Variants in TP53TG5 observed in about 807,000 individuals in gnomAD.
TP53TG5 encodes the protein TP53-target gene 5 protein.
In TP53TG5, 17 loss-of-function variants were observed where a neutral mutation model predicts 30.0. The ratio of observed to expected loss-of-function variants is 0.57; its 90% CI spans 0.39 to 0.85. The LOEUF (loss-of-function observed/expected upper bound fraction) is 0.85. Among genes scored for constraint, TP53TG5 ranks in the 40% least tolerant of loss-of-function variants. TP53TG5 has a pLI of 0.00. For synonymous variants in TP53TG5, 137 were observed against 139.2 expected (o/e 0.98, Z 0.11); for missense variants, 338 against 367.9 (o/e 0.92, Z 0.67).
intron 4 of TP53TG5, chr20:45,374,326 G>A (rs1040541383): frequency 7.3e-6 from 5 of 687,106 alleles, no homozygotes; most frequent in African/African-American, 7.2e-5. Context: ...AGGCTGGAGT[G>A]CAGTGGCGAA....
In TP53TG5 at chr20:45,375,452, C is replaced by A. The variant is rs774818638; in HGVS notation, c.355G>T (p.Gly119Trp). 4 of 1,614,138 alleles carry A rather than the reference C, an allele frequency of 2.5e-6. No homozygotes were observed. Among genetic ancestry groups the A allele is most frequent in the Non-Finnish European group, 3.4e-6 (4 of 1,180,024 alleles). ...TTGTACTCTTTTTTCTTAGGGTCCC[C>A]TGTGGACTCTAATTTCTTGGACTTG... Reference protein sequence around the residue: ...ELKSKKLESTGDPKKKEYKEW... With the variant: ...ELKSKKLESTWDPKKKEYKEW... The change falls in exon 4 of 5, where the codon GGG becomes TGG. Residue 119 changes from glycine to tryptophan, a missense_variant. By Grantham distance (184) the Gly-to-Trp change is radical. Transcript: ENST00000372726.
At position 45,375,489 on chromosome 20, in the gene TP53TG5, G is replaced by T. The variant is rs147626011; in HGVS notation, c.318C>A (p.Ser106=). ...ATTTCTTGGACTTGAGTTCCTTCTC[G>T]GAGCACCCGATCTCCTGGAACTCTT... ...NNEEFQEIGC[S]EKELKSKKLE... is the part of the protein sequence containing the mutation. Residue 106 remains serine (S), a synonymous_variant, in exon 4 of 5, where the codon TCC becomes TCA. Coordinates refer to ENST00000372726, the MANE Select transcript of TP53TG5 (RefSeq NM_014477.3). 6.2e-7 allele frequency: 1 copy of T among 1,611,432 alleles called. No homozygotes were observed. The highest frequency in any genetic ancestry group is 8.5e-7 in the Non-Finnish European group (1 of 1,179,036).
chr20:45,377,640 T>A, intron 1 of TP53TG5, 27 bp from the exon 2 acceptor site: 1 of 1,610,102 alleles, frequency 6.2e-7, no homozygotes, highest in Non-Finnish European at 8.5e-7. Context: ...AAGAGAGACA[T>A]AAACCCAGAG....
At chr20:45,376,078 T>G (rs2145368874) in intron 3 of TP53TG5, 1 of 152,548 alleles carries the variant, frequency 6.6e-6, no homozygotes, top group East Asian at 1.9e-4. Context: ...AGACTCTGTC[T>G]CCATACAAAA....
chr20:45,378,210 G>A lies in TP53TG5; in HGVS notation c.27C>T (p.Pro9=). The A allele has an allele frequency of 6.2e-7, 1 of 1,614,120 alleles. No individual in the cohort carries two copies. The highest frequency in any genetic ancestry group is 8.5e-7 in the Non-Finnish European group (1 of 1,179,986). The change falls in exon 1 of 5, where the codon CCC becomes CCT. Residue 9 remains proline (P), a synonymous_variant. Coordinates refer to ENST00000372726, the MANE Select transcript of TP53TG5 (RefSeq NM_014477.3). Reference sequence around the variant, plus strand: ...TGACCTTGGAAACCCTGCTGTTCTTGGGCCTCTTCTTTGCTGATGGACTCA... The same window carrying A: ...TGACCTTGGAAACCCTGCTGTTCTTAGGCCTCTTCTTTGCTGATGGACTCA... MSPSAKKR[P]KNSRVSKMQD...
Position 45,377,335 on chromosome 20 carries a change from T to C in TP53TG5, c.131A>G (p.Lys44Arg). ...GAGTAGCTTCAAGAGCGACAAGTTT[T>C]TTAACACCTGCCAGGGTCAAGAAAC... is the stretch of plus-strand genomic sequence containing the variant. ...IERNRLRTVL[K>R]NLSLLKLLKS... The change falls in exon 3 of 5, where the codon AAA becomes AGA. Residue 44 changes from lysine (K) to arginine (R), a missense_variant. By Grantham distance (26) the Lys-to-Arg change is conservative. Transcript: ENST00000372726. 1 of 1,614,158 alleles carries C rather than the reference T, an allele frequency of 6.2e-7. No homozygotes were observed. Among genetic ancestry groups the C allele is most frequent in the Non-Finnish European group, 8.5e-7 (1 of 1,180,046 alleles).
At position 45,375,203 on chromosome 20, in the gene TP53TG5, G is replaced by C. The variant is rs1002515434; in HGVS notation, c.604C>G (p.Leu202Val). The change falls in exon 4 of 5, where the codon CTG (leucine) becomes GTG (valine). Residue 202 changes from leucine (L) to valine (V), a missense_variant. Physicochemically the swap from Leu to Val is conservative, Grantham distance 32. Transcript: ENST00000372726. ...CAGATCCACTGGTCGGCTACATCCAGCTGCTTCATGTGCCCCATGGGAGTT... is the reference window on the plus strand; with the variant it reads ...CAGATCCACTGGTCGGCTACATCCACCTGCTTCATGTGCCCCATGGGAGTT... ...NRTPMGHMKQ[L>V]DVADQWIWFE... 7.4e-6 allele frequency: 12 copies of C among 1,614,106 alleles called. No homozygotes were observed. In the Admixed American group the frequency reaches 1.2e-4, roughly 16 times the overall value.
Position 45,377,361 on chromosome 20 carries a change from C to A in TP53TG5, c.124-19G>T. The A allele has an allele frequency of 6.2e-7, 1 of 1,613,828 alleles. No homozygotes were observed. The highest frequency in any genetic ancestry group is 1.1e-5 in the South Asian group (1 of 91,060). On this transcript the variant is annotated intron_variant, in intron 2 of 4. Coordinates refer to ENST00000372726, the MANE Select transcript of TP53TG5 (RefSeq NM_014477.3). ...TTAACACCTGCCAGGGTCAAGAAAC[C>A]AGGTAAATAGAAGCTTCAGCTTTCC...
chr20:45,374,204 T>G, intron 4 of TP53TG5, 193 bp from the exon 5 acceptor site: 1 of 674,516 alleles, frequency 1.5e-6, no homozygotes, highest in Non-Finnish European at 2.7e-6. Context: ...ACTTTCATTC[T>G]CCCACGAAAG....
intron 4 of TP53TG5, 96 bp downstream of exon 4, chr20:45,374,943 G>A: frequency 6.6e-7 from 1 of 1,504,804 alleles, no homozygotes. Context: ...CACCACTCAA[G>A]ACTCCAGATC....
At chr20:45,374,229 C>T (rs1988649391) in intron 4 of TP53TG5, 1 of 685,706 alleles carries the variant, frequency 1.5e-6, no homozygotes, top group South Asian at 1.6e-5. Context: ...GCGGTATTTT[C>T]TTCTTTTTTT....
rs545160212 is a variant in TP53TG5, at chr20:45,377,423, C to T, written c.124-81G>A. 4.7e-5 allele frequency: 76 copies of T among 1,609,618 alleles called. No individual in the cohort carries two copies. The Admixed American group carries it at 8.2e-4, about 17-fold the overall frequency. On this transcript the variant is annotated intron_variant, in intron 2 of 4. Transcript: ENST00000372726. ...CCTCTCCCCTGCCTGCCTCTGGCTCCGCTCAGCCAAGGGCCGGCCTGCTGG... is the reference window on the plus strand; with the variant it reads ...CCTCTCCCCTGCCTGCCTCTGGCTCTGCTCAGCCAAGGGCCGGCCTGCTGG...
chr20:45,377,287 T>C lies in TP53TG5; in HGVS notation c.179A>G (p.Gln60Arg). Residue 60 changes from glutamine to arginine, a missense_variant, in exon 3 of 5, where the codon CAA becomes CGA. Physicochemically the swap from Gln to Arg is conservative, Grantham distance 43. Coordinates refer to ENST00000372726, the MANE Select transcript of TP53TG5 (RefSeq NM_014477.3). ...KLLKSSNRRI[Q>R]ELHKLAKRCW... ...CCTTTTGGCCAGCTTATGCAGTTCTTGGATCCGGCGGTTTGAGCTCTTGAG... is the reference window on the plus strand; with the variant it reads ...CCTTTTGGCCAGCTTATGCAGTTCTCGGATCCGGCGGTTTGAGCTCTTGAG... 1.2e-6 allele frequency: 2 copies of C among 1,614,224 alleles called. No individual in the cohort carries two copies. Among genetic ancestry groups the C allele is most frequent in the African/African-American group, 2.7e-5 (2 of 75,054 alleles).
chr20:45,375,591 G>A (rs764618801), intron 3 of TP53TG5, 39 bp from the exon 4 acceptor site: 25 of 1,567,152 alleles, frequency 1.6e-5, no homozygotes, highest in East Asian at 2.2e-5. Flanking sequence ...CAGCAGGACC[G>A]AGGCCCTGGT....
chr20:45,375,772 G>A, intron 3 of TP53TG5: 1 of 578,502 alleles, frequency 1.7e-6, no homozygotes, highest in Non-Finnish European at 3.0e-6. Flanking sequence ...ATGACTAGTA[G>A]TTAAGGCCCC....
Position 45,377,610 on chromosome 20 carries a change from G to C in TP53TG5, c.52C>G (p.Gln18Glu). ...GTCTCGTCCCGCAGTTTCTCATCTT[G>C]CATCTGAGGGACAGAGGATAAGAGA... Reference protein sequence around the residue: ...RPKNSRVSKMQDEKLRDETEQ... With the variant: ...RPKNSRVSKMEDEKLRDETEQ... Residue 18 changes from glutamine (Q) to glutamate (E), a missense_variant, in exon 2 of 5, where the codon CAA becomes GAA. By Grantham distance (29) the Gln-to-Glu change is conservative (BLOSUM62 2). Coordinates refer to ENST00000372726, the MANE Select transcript of TP53TG5 (RefSeq NM_014477.3). 1 of 1,613,760 alleles carries C rather than the reference G, an allele frequency of 6.2e-7. No individual in the cohort carries two copies. Among genetic ancestry groups the C allele is most frequent in the East Asian group, 2.2e-5 (1 of 44,882 alleles).
Position 45,377,625 on chromosome 20 carries a change from A to G in TP53TG5, c.49-12T>C. On this transcript the variant is annotated splice_polypyrimidine_tract_variant and intron_variant, in intron 1 of 4. Transcript: ENST00000372726. ...TTCTCATCTTGCATCTGAGGGACAGAGGATAAGAGAGACATAAACCCAGAG... is the reference window on the plus strand; with the variant it reads ...TTCTCATCTTGCATCTGAGGGACAGGGGATAAGAGAGACATAAACCCAGAG... The G allele has an allele frequency of 1.9e-6, 3 of 1,612,672 alleles. No homozygotes were observed. Among genetic ancestry groups the G allele is most frequent in the Non-Finnish European group, 2.5e-6 (3 of 1,179,266 alleles).
chr20:45,374,799 G>A (rs1988671183), intron 4 of TP53TG5: 1 of 555,170 alleles, frequency 1.8e-6, no homozygotes, highest in Non-Finnish European at 3.1e-6. Context: ...TCACTTCAGT[G>A]CCCCTCCTTC....
chr20:45,378,144 G>T (rs1386042821), intron 1 of TP53TG5, 45 bp downstream of exon 1: 2 of 1,612,776 alleles, frequency 1.2e-6, no homozygotes, highest in Admixed American at 1.7e-5. Flanking sequence ...CTTTGTTAAG[G>T]TCCCCTCTAG....
Sources: allele counts gnomAD v4.1 joint callset, GRCh38; gene constraint gnomAD v4.1.1; transcripts MANE v1.5; gene names NCBI Gene and HGNC (gene_info 2026-07-23, HGNC 2026-07-21).